The following NRCAM variants were observed in gnomAD, a reference collection of about 807,000 sequenced individuals.
The protein encoded by NRCAM is neuronal cell adhesion molecule.
A neutral mutation model predicts 156.5 loss-of-function variants in NRCAM; 83 were observed. That is an observed-to-expected ratio of 0.53 (90% CI 0.44 to 0.64). NRCAM has a LOEUF of 0.64. Ranked by LOEUF, NRCAM falls within the 30% of genes least tolerant of loss-of-function variation. NRCAM has a pLI of 0.00. For missense variants in NRCAM, 1,417 were observed against 1,597.3 expected, an observed-to-expected ratio of 0.89 and a Z score of 1.92; for synonymous variants, 538 against 563.9, an observed-to-expected ratio of 0.95 and a Z score of 0.65.
At chr7:108,423,980 T>G (rs188045769) in intron 1 of NRCAM, among the ~76,000 whole-genome samples, 134 of 152,350 alleles carry the variant, frequency 8.8e-4, no homozygotes, top group African/African-American at 2.9e-3. Context: ...ACCACTGTCA[T>G]CCCCTCTTCT....
At chr7:108,166,141 G>T (rs1347662376) in intron 30 of NRCAM, among the ~76,000 whole-genome samples, 2 of 152,028 alleles carry the variant, frequency 1.3e-5, no homozygotes, top group Non-Finnish European at 2.9e-5. Context: ...ACAAGTTCTT[G>T]TTCCATACAA....
intron 2 of NRCAM, among the ~76,000 whole-genome samples, chr7:108,372,043 G>T (rs1447400655): frequency 6.6e-6 from 1 of 152,010 alleles, no homozygotes; most frequent in African/African-American, 2.4e-5. Context: ...GAACAGAACA[G>T]CAAGCCCAGA....
chr7:108,281,970 T>C (rs1322321572), intron 3 of NRCAM, among the ~76,000 whole-genome samples: 1 of 152,108 alleles, frequency 6.6e-6, no homozygotes, highest in Non-Finnish European at 1.5e-5. Flanking sequence ...GGAGCAACTG[T>C]GGGAAAAATT....
At chr7:108,201,189 A>AC (rs1238336476) in intron 13 of NRCAM, among the ~76,000 whole-genome samples, 1 of 151,978 alleles carries the variant, frequency 6.6e-6, no homozygotes, top group African/African-American at 2.4e-5. Flanking sequence ...AAAAAAAAAA[A>AC]AAAGAAAAAG....
intron 2 of NRCAM, among the ~76,000 whole-genome samples, chr7:108,366,826 CTATAT>C (rs1356003674): frequency 1.3e-5 from 2 of 152,166 alleles, no homozygotes; most frequent in Admixed American, 6.5e-5. Context: ...CTACACCATA[CTATAT>C]TATAATGATC....
chr7:108,226,197 T>C lies in NRCAM; in HGVS notation c.721+11A>G. 1.9e-6 allele frequency: 3 copies of C among 1,570,116 alleles called. No homozygotes were observed. Among genetic ancestry groups the C allele is most frequent in the African/African-American group, 1.4e-5 (1 of 73,512 alleles). On this transcript the variant is annotated intron_variant, in intron 9 of 32. Coordinates refer to ENST00000379028, the MANE Select transcript of NRCAM (RefSeq NM_001037132.4). ...TCATTGAAGGGGAGATTTGGGAAGC[T>C]GAACTCTTACCTGAAATCACCTTCA...
intron 1 of NRCAM, among the ~76,000 whole-genome samples, chr7:108,409,653 G>T (rs888973966): frequency 6.6e-6 from 1 of 152,156 alleles, no homozygotes; most frequent in Non-Finnish European, 1.5e-5. Flanking sequence ...GAGCATGATG[G>T]CTTCCCCCAT....
intron 3 of NRCAM, among the ~76,000 whole-genome samples, chr7:108,273,740 A>C (rs2097474622): frequency 6.6e-6 from 1 of 152,104 alleles, no homozygotes; most frequent in Non-Finnish European, 1.5e-5. Flanking sequence ...GAAGCTCTTT[A>C]GTTTAATTAG....
At chr7:108,393,872 G>C (rs966208618) in intron 2 of NRCAM, among the ~76,000 whole-genome samples, 2 of 152,180 alleles carry the variant, frequency 1.3e-5, no homozygotes, top group Admixed American at 1.3e-4. Flanking sequence ...CATGGCCCAC[G>C]TATGGTGATT....
At chr7:108,232,077 A>G (rs2094404989) in intron 7 of NRCAM, among the ~76,000 whole-genome samples, 1 of 149,674 alleles carries the variant, frequency 6.7e-6, no homozygotes, top group Non-Finnish European at 1.5e-5. Flanking sequence ...GGGAAGAAAC[A>G]CTTTTTTTTT....
chr7:108,321,099 C>T (rs2098996206), intron 2 of NRCAM, among the ~76,000 whole-genome samples: 1 of 152,198 alleles, frequency 6.6e-6, no homozygotes, highest in Non-Finnish European at 1.5e-5. Flanking sequence ...ATATAACTTG[C>T]ATAATTCATC....
At chr7:108,451,222 A>AC (rs1849945981) in intron 1 of NRCAM, among the ~76,000 whole-genome samples, 1 of 86,688 alleles carries the variant, frequency 1.2e-5, no homozygotes, top group South Asian at 2.8e-4. Flanking sequence ...CCGTCTCCAA[A>AC]AAAAAAAAAA....
chr7:108,300,074 A>T (rs1251248244), intron 3 of NRCAM, among the ~76,000 whole-genome samples: 1 of 152,102 alleles, frequency 6.6e-6, no homozygotes, highest in Non-Finnish European at 1.5e-5. Context: ...TGGTTTTCAC[A>T]ACAGGTATCA....
At chr7:108,304,249 T>C (rs1443621801) in intron 3 of NRCAM, among the ~76,000 whole-genome samples, 1 of 152,242 alleles carries the variant, frequency 6.6e-6, no homozygotes, top group East Asian at 1.9e-4. Context: ...AGAATAATTC[T>C]TCCTTAATGA....
chr7:108,359,388 A>T (rs1163867132), intron 2 of NRCAM, among the ~76,000 whole-genome samples: 3 of 152,216 alleles, frequency 2.0e-5, no homozygotes, highest in South Asian at 4.1e-4. Flanking sequence ...AGCTACCAGG[A>T]CAGGTGTTTG....
intron 32 of NRCAM, chr7:108,150,818 A>G: frequency 2.2e-6 from 1 of 447,072 alleles, no homozygotes; most frequent in South Asian, 1.7e-5. Context: ...TTTGGTAAAA[A>G]TTTTAGTTAA....
At chr7:108,348,824 AC>A (rs1397936930) in intron 2 of NRCAM, among the ~76,000 whole-genome samples, 2 of 151,272 alleles carry the variant, frequency 1.3e-5, no homozygotes, top group Non-Finnish European at 2.9e-5. Context: ...TCACTGGAAA[AC>A]CCAGGAAGTG....
intron 28 of NRCAM, among the ~76,000 whole-genome samples, chr7:108,169,945 G>A (rs539900264): frequency 6.6e-6 from 1 of 152,252 alleles, no homozygotes; most frequent in East Asian, 1.9e-4. Context: ...TAACGGAAAA[G>A]CATTTAGTTT....
At chr7:108,332,068 A>C (rs1184065324) in intron 2 of NRCAM, among the ~76,000 whole-genome samples, 2 of 152,176 alleles carry the variant, frequency 1.3e-5, no homozygotes, top group Non-Finnish European at 2.9e-5. Flanking sequence ...GGCATCAAAG[A>C]GTGTGTTTCT....
Sources: allele counts gnomAD v4.1 joint callset (sites outside exome capture counted in the v4.1 genomes callset), GRCh38; gene constraint gnomAD v4.1.1; transcripts MANE v1.5; gene names NCBI Gene and HGNC (gene_info 2026-07-23, HGNC 2026-07-21).